Variants in SLC7A7 observed in about 807,000 individuals in gnomAD.
SLC7A7 encodes the protein solute carrier family 7 member 7.
Under a neutral mutation model 47.9 loss-of-function variants are expected in SLC7A7, and 39 were observed. That is an observed-to-expected ratio of 0.81 (90% CI 0.63 to 1.06). The LOEUF is 1.06. SLC7A7 is among the 50% of genes least tolerant of loss of function. The probability of loss-of-function intolerance (pLI) is 0.00; values close to 1 mark genes in which losing one functional copy is unlikely to be tolerated. For missense variants in SLC7A7, 588 were observed against 632.0 expected (o/e 0.93, Z 0.75); for synonymous variants, 234 against 242.8 (o/e 0.96, Z 0.34).
chr14:22,813,062 C>A lies in SLC7A7; in HGVS notation c.337G>T (p.Gly113Ter). 6.2e-7 allele frequency: 1 copy of A among 1,614,112 alleles called. No individual in the cohort carries two copies. The highest frequency in any genetic ancestry group is 8.5e-7 in the Non-Finnish European group (1 of 1,180,008). The part of the protein sequence containing the change: ...SYAYILEAFG[G>*]FLAFIRLWTS... ...CAGAGTCTGATGAAAGCAAGGAATC[C>A]TCCAAAGGCCTCCAGGATATAGGCA... The change falls in exon 2 of 10, where the codon GGA (glycine) becomes TGA (stop). Residue 113 changes from glycine to a stop codon, truncating the protein, a stop_gained. Transcript: ENST00000674313. LOFTEE classifies it high-confidence loss of function.
chr14:22,775,936 T>A lies in SLC7A7; in HGVS notation c.895A>T (p.Thr299Ser). The change falls in exon 6 of 10, where the codon ACT (threonine) becomes TCT (serine). Residue 299 changes from threonine (T) to serine (S), a missense_variant and splice_region_variant. By Grantham distance (58) the Thr-to-Ser change is moderately conservative. Transcript: ENST00000674313. ...ATTCCAAATATCTGATCTGCAAAAG[T>A]CTAAGGGAAAAGAATGGAAGAGTCA... is the stretch of plus-strand genomic sequence containing the variant. Reference protein sequence around the residue: ...DILASDAVAVTFADQIFGIFN... With the variant: ...DILASDAVAVSFADQIFGIFN... The A allele has an allele frequency of 1.2e-6, 2 of 1,610,188 alleles. No homozygotes were observed. The highest frequency in any genetic ancestry group is 8.5e-7 in the Non-Finnish European group (1 of 1,176,438).
chr14:22,784,230 T>C (rs770265474), intron 2 of SLC7A7, among the ~76,000 whole-genome samples: 1 of 152,160 alleles, frequency 6.6e-6, no homozygotes, highest in Non-Finnish European at 1.5e-5. Context: ...CTGGGCCAAG[T>C]CTATAAGAGG....
chr14:22,776,088 GA>G, intron 5 of SLC7A7, 106 bp downstream of exon 5: 2 of 1,523,638 alleles, frequency 1.3e-6, no homozygotes, highest in Non-Finnish European at 1.8e-6. Flanking sequence ...TATTCTAAAT[GA>G]ACTCCTTTCA....
chr14:22,785,665 T>C (rs561294086), intron 2 of SLC7A7, among the ~76,000 whole-genome samples: 2 of 147,838 alleles, frequency 1.4e-5, no homozygotes, highest in Non-Finnish European at 3.0e-5. Flanking sequence ...GAGGTGGAGG[T>C]TGCGGTGAAC....
chr14:22,810,958 A>T (rs949294776), intron 2 of SLC7A7, among the ~76,000 whole-genome samples: 11 of 152,210 alleles, frequency 7.2e-5, no homozygotes, highest in Non-Finnish European at 1.6e-4. Flanking sequence ...AGCCTGGGCA[A>T]CAAGAGTGAA....
At chr14:22,791,730 A>T (rs995178137) in intron 2 of SLC7A7, among the ~76,000 whole-genome samples, 1 of 151,912 alleles carries the variant, frequency 6.6e-6, no homozygotes, top group African/African-American at 2.4e-5. Context: ...GAAACGCCTC[A>T]TATCTGTTAC....
intron 2 of SLC7A7, among the ~76,000 whole-genome samples, chr14:22,795,431 T>TA (rs2039002406): frequency 6.1e-5 from 8 of 131,028 alleles, no homozygotes; most frequent in African/African-American, 2.3e-4. Context: ...TCTTTCTTTC[T>TA]TTCTTTCTTT....
At chr14:22,782,582 C>T (rs1218856529) in intron 2 of SLC7A7, among the ~76,000 whole-genome samples, 1 of 151,918 alleles carries the variant, frequency 6.6e-6, no homozygotes, top group Non-Finnish European at 1.5e-5. Context: ...CTGCCTCAGC[C>T]TCCCGAGTAG....
chr14:22,773,790 C>T lies in SLC7A7; in HGVS notation c.1430-74G>A, dbSNP rs79009088. 7.8e-4 allele frequency: 1,210 copies of T among 1,542,108 alleles called. 5 individuals carry two copies. In the African/African-American group the frequency reaches 0.014, roughly 18 times the overall value. On this transcript the variant is annotated intron_variant, in intron 9 of 9. Coordinates refer to ENST00000674313, the MANE Select transcript of SLC7A7 (RefSeq NM_003982.4). ...AGTTCAAGTGTCACTGAATGGAACT[C>T]AGTGTGAGGGGAGTGATTCCACTAA...
chr14:22,799,586 CTGGGA>C (rs1314549376), intron 2 of SLC7A7, among the ~76,000 whole-genome samples: 1 of 151,162 alleles, frequency 6.6e-6, no homozygotes, highest in Non-Finnish European at 1.5e-5. Context: ...TCCAGAGTAG[CTGGGA>C]CTACAGGTGC....
At chr14:22,807,313 T>G (rs2138644604) in intron 2 of SLC7A7, among the ~76,000 whole-genome samples, 1 of 152,282 alleles carries the variant, frequency 6.6e-6, no homozygotes, top group Middle Eastern at 3.4e-3. Context: ...TCTCCCCACC[T>G]TCTGTCTCTT....
intron 2 of SLC7A7, among the ~76,000 whole-genome samples, chr14:22,786,699 C>T (rs148382400): frequency 2.0e-3 from 298 of 152,170 alleles, no homozygotes; most frequent in African/African-American, 6.9e-3. Flanking sequence ...TTTGGGAGGC[C>T]GAGGTTGGAG....
chr14:22,784,542 C>T (rs567859480), intron 2 of SLC7A7, among the ~76,000 whole-genome samples: 2 of 152,024 alleles, frequency 1.3e-5, no homozygotes, highest in South Asian at 4.2e-4. Context: ...CACTTGAACC[C>T]AGGAGGCGGA....
intron 2 of SLC7A7, among the ~76,000 whole-genome samples, chr14:22,788,701 CT>C (rs1228207855): frequency 3.0e-5 from 4 of 132,542 alleles, no homozygotes; most frequent in African/African-American, 1.3e-4. Context: ...GAGACTCTGT[CT>C]GGGAAAAAAA....
rs1170217693 is a variant in SLC7A7 at position 22,776,884 on chromosome 14, A to G, written c.771-566T>C. ...CTCAGGAGGCTGAGGTACGAGAATCACTTGAACTCGAGAGGCGGAGGTTGT... is the reference window on the plus strand; with the variant it reads ...CTCAGGAGGCTGAGGTACGAGAATCGCTTGAACTCGAGAGGCGGAGGTTGT... On this transcript the variant is annotated intron_variant, in intron 4 of 9. Transcript: ENST00000674313. 2.0e-5 allele frequency among the ~76,000 whole-genome samples: 3 copies of G among 152,108 alleles called. No homozygotes were observed. In the East Asian group the frequency reaches 5.8e-4, roughly 29 times the overall value.
chr14:22,812,798 C>A, intron 2 of SLC7A7, 102 bp downstream of exon 2: 1 of 803,290 alleles, frequency 1.2e-6, no homozygotes, highest in South Asian at 1.8e-5. Flanking sequence ...TATATGTTGT[C>A]AGAGACATTC....
chr14:22,774,195 T>C, intron 8 of SLC7A7, 79 bp from the exon 9 acceptor site: 2 of 1,588,018 alleles, frequency 1.3e-6, no homozygotes, highest in South Asian at 2.2e-5. Context: ...CCCATAAGGA[T>C]TAGCGCACTG....
chr14:22,803,852 C>T (rs892020193), intron 2 of SLC7A7, among the ~76,000 whole-genome samples: 4 of 152,198 alleles, frequency 2.6e-5, no homozygotes, highest in Non-Finnish European at 5.9e-5. Flanking sequence ...CTATGTCTAC[C>T]TCGCTTCCCA....
intron 2 of SLC7A7, among the ~76,000 whole-genome samples, chr14:22,781,228 A>G (rs1429273428): frequency 6.6e-6 from 1 of 152,086 alleles, no homozygotes; most frequent in African/African-American, 2.4e-5. Context: ...GGCCACCAAC[A>G]CAGTCAGAAA....
Sources: gnomAD v4.1 joint callset for allele counts (sites outside exome capture counted in the v4.1 genomes callset) on GRCh38, gnomAD v4.1.1 for gene constraint, MANE v1.5 for transcripts, NCBI Gene and HGNC (gene_info 2026-07-23, HGNC 2026-07-21) for gene names.